The following ELP2 variants were observed in gnomAD, a reference collection of about 807,000 sequenced individuals.
ELP2 encodes elongator acetyltransferase complex subunit 2, also known as elongator complex protein 2.
In ELP2, 90 loss-of-function variants were observed where a neutral mutation model predicts 119.2. The observed-to-expected ratio is 0.75, with a 90% CI of 0.64 to 0.90. The LOEUF (loss-of-function observed/expected upper bound fraction) is 0.90. ELP2 is among the 40% of genes least tolerant of loss of function. The pLI, the probability that ELP2 is intolerant of heterozygous loss-of-function variation, is 0.00. For synonymous variants in ELP2, 339 were observed against 331.0 expected (o/e 1.02, Z -0.26); for missense variants, 921 against 967.8 (o/e 0.95, Z 0.64).
chr18:36,135,854 G>A (rs2089804396), intron 2 of ELP2, among the ~76,000 whole-genome samples: 1 of 152,100 alleles, frequency 6.6e-6, no homozygotes, highest in Non-Finnish European at 1.5e-5. Flanking sequence ...CATTAAAGGA[G>A]ACTAAAAAGA....
Position 36,164,515 on chromosome 18 carries a change from C to T in ELP2, c.1802C>T (p.Thr601Ile). 6.2e-7 allele frequency: 1 copy of T among 1,614,078 alleles called. No individual in the cohort carries two copies. The highest frequency in any genetic ancestry group is 1.7e-5 in the Admixed American group (1 of 60,020). ...KEHAAIILWN[T>I]TSWKQVQNLV... ...CATGCAGCTATCATTCTTTGGAACACTACATCTTGGAAACAGGTGCAGAAT... is the reference window on the plus strand; with the variant it reads ...CATGCAGCTATCATTCTTTGGAACATTACATCTTGGAAACAGGTGCAGAAT... Residue 601 changes from threonine (T) to isoleucine (I), a missense_variant, in exon 18 of 22, where the codon ACT becomes ATT. Transcript: ENST00000358232.
rs1348189319 is a variant in ELP2, at chr18:36,177,741, A to G, written c.*3100A>G. The G allele has an allele frequency of 6.6e-6, 1 of 152,172 alleles. No individual in the cohort carries two copies. Among genetic ancestry groups the G allele is most frequent in the Non-Finnish European group, 1.5e-5 (1 of 68,042 alleles). The allele number at this position is 152,172 out of a possible 1,614,324, so 9.4% of individuals were successfully genotyped here. On this transcript the variant is annotated 3_prime_UTR_variant, in exon 22 of 22. Coordinates refer to ENST00000358232, the MANE Select transcript of ELP2 (RefSeq NM_018255.4). ...AAAAAAAAGTGCTCCAAAGTAAGAT[A>G]TATTTGGGAAACACAGGGATAACTA...
intron 3 of ELP2, chr18:36,136,582 G>T: frequency 9.0e-6 from 5 of 557,104 alleles, no homozygotes; most frequent in South Asian, 4.6e-5. Flanking sequence ...GTAGAGATGG[G>T]GTCTTACTTT....
intron 8 of ELP2, among the ~76,000 whole-genome samples, chr18:36,144,059 A>C (rs538562181): frequency 8.2e-4 from 125 of 152,196 alleles, no homozygotes; most frequent in African/African-American, 2.9e-3. Flanking sequence ...TGTGACAGTT[A>C]TAAAGGTAGT....
intron 17 of ELP2, among the ~76,000 whole-genome samples, chr18:36,163,269 AT>A (rs2090793097): frequency 5.2e-5 from 1 of 19,174 alleles, no homozygotes; most frequent in Admixed American, 5.9e-4. Flanking sequence ...GTAGTAGTTC[AT>A]GGGGGGTGTG....
At position 36,178,758 on chromosome 18, in the gene ELP2, A is replaced by C. The variant is rs1388283878; in HGVS notation, c.*4117A>C. The C allele has an allele frequency of 6.6e-6, 1 of 151,882 alleles. No individual in the cohort carries two copies. Among genetic ancestry groups the C allele is most frequent in the Non-Finnish European group, 1.5e-5 (1 of 68,014 alleles). The allele number at this position is 151,882 out of a possible 1,614,324, so 9.4% of individuals were successfully genotyped here. ...AAAAAAAAAAGTTCTCTTGAATCAT[A>C]ATTTCAGTATTTATGGATGAAATCA... On this transcript the variant is annotated 3_prime_UTR_variant, in exon 22 of 22. Transcript: ENST00000358232.
intron 3 of ELP2, 77 bp downstream of exon 3, chr18:36,136,454 C>T (rs1193893454): frequency 2.5e-6 from 3 of 1,214,326 alleles, no homozygotes; most frequent in Non-Finnish European, 3.7e-6. Context: ...TTCACTCTGT[C>T]ACCCAGGCTG....
chr18:36,153,428 ACT>A (rs1353466002), intron 11 of ELP2, among the ~76,000 whole-genome samples: 1 of 151,676 alleles, frequency 6.6e-6, no homozygotes, highest in African/African-American at 2.4e-5. Flanking sequence ...TGTAGGGAAA[ACT>A]CTCTCTCTTA....
Position 36,140,058 on chromosome 18 carries a change from G to A in ELP2, c.524-1079G>A, listed in dbSNP as rs1001378040. Reference sequence around the variant, plus strand: ...AAGGTCTGTTTATGTTGCCCAGGCTGGTCTTGGACTCCTGGCTTCAAGTGG... The same window carrying A: ...AAGGTCTGTTTATGTTGCCCAGGCTAGTCTTGGACTCCTGGCTTCAAGTGG... On this transcript the variant is annotated intron_variant, in intron 5 of 21. Coordinates refer to ENST00000358232, the MANE Select transcript of ELP2 (RefSeq NM_018255.4). Among the ~76,000 whole-genome samples the A allele has an allele frequency of 2.4e-4, 37 of 152,150 alleles. 1 individual carries two copies. Among genetic ancestry groups the A allele is most frequent in the African/African-American group, 8.7e-4 (36 of 41,520 alleles).
intron 17 of ELP2, among the ~76,000 whole-genome samples, chr18:36,163,779 C>T (rs551505754): frequency 6.6e-6 from 1 of 152,228 alleles, no homozygotes; most frequent in East Asian, 1.9e-4. Flanking sequence ...GTTCCGTAGA[C>T]TTTATTCAGT....
intron 11 of ELP2, among the ~76,000 whole-genome samples, chr18:36,147,605 G>A (rs944465676): frequency 2.0e-5 from 3 of 150,786 alleles, no homozygotes; most frequent in Admixed American, 6.6e-5. Flanking sequence ...TTAGAGACGG[G>A]GTTTCACCAT....
intron 20 of ELP2, 131 bp from the exon 21 acceptor site, chr18:36,170,916 G>T: frequency 1.4e-6 from 1 of 724,978 alleles, no homozygotes; most frequent in South Asian, 1.5e-5. Context: ...AGCATGTCCT[G>T]GGCTGATGCC....
chr18:36,138,414 A>G lies in ELP2; in HGVS notation c.433A>G (p.Lys145Glu). ...TTCTGCTGTTCGACTCTGGTCTAAA[A>G]AGGGTCCAGAAGGTAGGTTTGGAGA... ...ADSAVRLWSK[K>E]GPEVMCLQTL... Residue 145 changes from lysine (K) to glutamate (E), a missense_variant, in exon 4 of 22, where the codon AAG becomes GAG. Physicochemically the swap from Lys to Glu is moderately conservative, Grantham distance 56. Transcript: ENST00000358232. 1 of 1,614,118 alleles carries G rather than the reference A, an allele frequency of 6.2e-7. No individual in the cohort carries two copies. The highest frequency in any genetic ancestry group is 8.5e-7 in the Non-Finnish European group (1 of 1,180,000).
At position 36,179,390 on chromosome 18, in the gene ELP2, T is replaced by A. The variant is rs1384397302; in HGVS notation, c.*4749T>A. ...CCAGAGGCTGAGGCAGGAGAACCGC[T>A]TGAACCCAGGAGGAGGAGGAGGTTG... On this transcript the variant is annotated 3_prime_UTR_variant, in exon 22 of 22. Coordinates refer to ENST00000358232, the MANE Select transcript of ELP2 (RefSeq NM_018255.4). 1 of 148,016 alleles carries A rather than the reference T, an allele frequency of 6.8e-6. No individual in the cohort carries two copies. The highest frequency in any genetic ancestry group is 1.5e-5 in the Non-Finnish European group (1 of 67,598). 9.2% of individuals were successfully genotyped at this position (148,016 alleles called of 1,614,324 possible).
chr18:36,159,658 T>G, intron 14 of ELP2, 77 bp from the exon 15 acceptor site: 1 of 1,049,142 alleles, frequency 9.5e-7, no homozygotes, highest in Admixed American at 1.7e-5. Flanking sequence ...GCTTTCTATG[T>G]GGTGGCCTTA....
At position 36,160,003 on chromosome 18, in the gene ELP2, A is replaced by C. The variant is rs1306651918; in HGVS notation, c.1676A>C (p.Glu559Ala). The C allele has an allele frequency of 6.2e-7, 1 of 1,613,968 alleles. No individual in the cohort carries two copies. The highest frequency in any genetic ancestry group is 2.2e-5 in the East Asian group (1 of 44,866). The change falls in exon 16 of 22, where the codon GAA becomes GCA. Residue 559 changes from glutamate (E) to alanine (A), a missense_variant. Coordinates refer to ENST00000358232, the MANE Select transcript of ELP2 (RefSeq NM_018255.4). ...DHLLQNTLWP[E>A]VQKLYGHGYE... The stretch of plus-strand genomic sequence containing the variant: ...CTTCTGCAGAATACTTTGTGGCCTG[A>C]AGTTCAAAAACTGTAAGTTAAACTG...
At chr18:36,141,493 T>C (rs1039103801) in intron 6 of ELP2, 1 of 403,094 alleles carries the variant, frequency 2.5e-6, no homozygotes, top group African/African-American at 2.0e-5. Context: ...TTAAACGAGA[T>C]ATAACATACC....
chr18:36,167,846 A>G (rs190141464), intron 19 of ELP2, among the ~76,000 whole-genome samples: 11 of 152,040 alleles, frequency 7.2e-5, no homozygotes, highest in East Asian at 3.9e-4. Flanking sequence ...TGCCCAGCCA[A>G]TGTTTTTATT....
intron 17 of ELP2, among the ~76,000 whole-genome samples, chr18:36,163,300 A>G (rs978958918): frequency 1.1e-3 from 19 of 17,096 alleles, no homozygotes; most frequent in Non-Finnish European, 2.2e-3. Flanking sequence ...GTGTGTGTGT[A>G]TACACCACAT....
Sources: allele counts gnomAD v4.1 joint callset (sites outside exome capture counted in the v4.1 genomes callset), GRCh38; gene constraint gnomAD v4.1.1; transcripts MANE v1.5; gene names NCBI Gene and HGNC (gene_info 2026-07-23, HGNC 2026-07-21).